PES1: variants seen among roughly 807,000 people sequenced by gnomAD.
PES1 encodes the protein pescadillo homolog.
A neutral mutation model predicts 77.1 loss-of-function variants in PES1; 31 were observed. The ratio of observed to expected loss-of-function variants is 0.40; its 90% CI spans 0.30 to 0.54. The LOEUF (loss-of-function observed/expected upper bound fraction) is 0.54, where lower values mean the gene tolerates loss of function less well. PES1 is among the 20% of genes least tolerant of loss of function. The probability of loss-of-function intolerance (pLI) is 0.45; values close to 1 mark genes in which losing one functional copy is unlikely to be tolerated. For missense variants in PES1, 658 were observed against 771.7 expected, an observed-to-expected ratio of 0.85 and a Z score of 1.75; for synonymous variants, 282 against 303.0, an observed-to-expected ratio of 0.93 and a Z score of 0.72.
chr22:30,581,284 A>G (rs756230918), intron 8 of PES1, 50 bp downstream of exon 8: 1 of 1,581,290 alleles, frequency 6.3e-7, no homozygotes, highest in East Asian at 2.2e-5. Flanking sequence ...TGTTGGGGAC[A>G]GAGACCACTC....
In PES1 at chr22:30,576,875, G is replaced by A. The variant is rs2086907022; in HGVS notation, c.*171C>T. The A allele has an allele frequency of 3.2e-6, 2 of 623,500 alleles. No homozygotes were observed. The highest frequency in any genetic ancestry group is 2.9e-6 in the Non-Finnish European group (1 of 349,026). The allele number at this position is 623,500 out of a possible 1,614,324, so 38.6% of individuals were successfully genotyped here. A position where few individuals can be genotyped will look rare whatever the true frequency, so the allele number is the denominator to read the frequency against. ...GCACCAGCAGGGCAGCTCCATCCAA[G>A]GGAAGCGAGGGCTGCCCACTGGCCC... On this transcript the variant is annotated 3_prime_UTR_variant, in exon 15 of 15. Transcript: ENST00000354694.
At chr22:30,586,634 T>A (rs1048718316) in intron 4 of PES1, among the ~76,000 whole-genome samples, 4 of 152,196 alleles carry the variant, frequency 2.6e-5, no homozygotes, top group African/African-American at 9.6e-5. Context: ...CATTGCCAAA[T>A]GTCCACTGGA....
At chr22:30,597,164 G>T (rs190094880) in intron 2 of PES1, among the ~76,000 whole-genome samples, 3 of 152,032 alleles carry the variant, frequency 2.0e-5, no homozygotes, top group African/African-American at 7.2e-5. Context: ...TGTGGGCTCC[G>T]GCACAGCCTA....
chr22:30,596,990 G>A (rs1328878487), intron 2 of PES1, among the ~76,000 whole-genome samples: 1 of 152,226 alleles, frequency 6.6e-6, no homozygotes, highest in African/African-American at 2.4e-5. Flanking sequence ...CACGGGCAGT[G>A]AGGGGCTTAG....
chr22:30,606,833 G>C (rs940381834), exon 1 of PES1: 2 of 1,004,738 alleles, frequency 2.0e-6, no homozygotes, highest in Non-Finnish European at 2.4e-6. Flanking sequence ...TGCAGCTCCC[G>C]TTCCACTCCT....
intron 2 of PES1, chr22:30,604,007 G>C (rs1280326616): frequency 6.6e-6 from 1 of 152,240 alleles, no homozygotes; most frequent in Non-Finnish European, 1.5e-5. Flanking sequence ...GCAGTGTTTT[G>C]AGGCAAGCAG....
intron 2 of PES1, among the ~76,000 whole-genome samples, chr22:30,604,315 G>A (rs987830710): frequency 6.6e-6 from 1 of 152,190 alleles, no homozygotes; most frequent in Non-Finnish European, 1.5e-5. Context: ...CCAAATAGCT[G>A]TAGCATGCAT....
chr22:30,582,204 C>A (rs2086998866), intron 6 of PES1, among the ~76,000 whole-genome samples: 1 of 152,220 alleles, frequency 6.6e-6, no homozygotes, highest in African/African-American at 2.4e-5. Context: ...GAAGGCCAGG[C>A]CCAGCGGGGG....
chr22:30,579,049 A>C, intron 13 of PES1, 51 bp from the exon 14 acceptor site: 1 of 1,603,810 alleles, frequency 6.2e-7, no homozygotes, highest in Non-Finnish European at 8.5e-7. Flanking sequence ...CGACCTCCAC[A>C]GTCCTCTGGC....
At chr22:30,596,523 A>C (rs2087255154), upstream of PES1, among the ~76,000 whole-genome samples, 1 of 152,138 alleles carries the variant, frequency 6.6e-6, no homozygotes, top group Non-Finnish European at 1.5e-5. Flanking sequence ...GATTTTAAAA[A>C]TCAAACTGCC....
intron 8 of PES1, 55 bp from the exon 9 acceptor site, chr22:30,581,156 C>T: frequency 6.7e-7 from 1 of 1,488,352 alleles, no homozygotes; most frequent in Non-Finnish European, 9.2e-7. Context: ...GGCATGTGGC[C>T]AGGGTGGGGA....
intron 10 of PES1, 73 bp from the exon 11 acceptor site, chr22:30,580,251 C>T: frequency 4.6e-6 from 7 of 1,537,610 alleles, no homozygotes; most frequent in South Asian, 2.6e-5. Context: ...CTCCCTGGGA[C>T]CTGCTGGCCA....
At chr22:30,591,238 G>A (rs954312661) in intron 1 of PES1, among the ~76,000 whole-genome samples, 2 of 152,118 alleles carry the variant, frequency 1.3e-5, no homozygotes, top group Non-Finnish European at 2.9e-5. Flanking sequence ...AATCTTATCA[G>A]ATGCCATTCT....
chr22:30,592,997 A>G (rs1215410851), upstream of PES1, among the ~76,000 whole-genome samples: 1 of 151,708 alleles, frequency 6.6e-6, no homozygotes, highest in Admixed American at 6.6e-5. Flanking sequence ...CCCTTTTTCC[A>G]AATTCCAAAT....
At chr22:30,577,337 C>T (rs1257948044) in intron 14 of PES1, among the ~76,000 whole-genome samples, 4 of 152,164 alleles carry the variant, frequency 2.6e-5, no homozygotes, top group Admixed American at 2.6e-4. Context: ...CCACAAATCT[C>T]GAGATAAGAG....
upstream of PES1, among the ~76,000 whole-genome samples, chr22:30,595,124 G>T (rs1261788715): frequency 6.6e-6 from 1 of 152,092 alleles, no homozygotes; most frequent in Non-Finnish European, 1.5e-5. Context: ...TCCTCCTGTT[G>T]CCCTGGACAA....
At chr22:30,596,192 C>T (rs1448556622), upstream of PES1, among the ~76,000 whole-genome samples, 2 of 152,118 alleles carry the variant, frequency 1.3e-5, no homozygotes, top group Non-Finnish European at 2.9e-5. Flanking sequence ...TGCTTTAAGT[C>T]TGTTGACTTT....
In PES1 at chr22:30,597,951, T is replaced by C. The variant is rs189000582; in HGVS notation, c.-660-5553A>G. On this transcript the variant is annotated intron_variant, in intron 2 of 16. Transcript: ENST00000402281. ...CAGGCTGGAGTGCAGTGGCGGCATC[T>C]CGGCTCACTGCAAGCTCCGCTTCCC... 3.4e-3 allele frequency among the ~76,000 whole-genome samples: 481 copies of C among 141,248 alleles called. 3 individuals are homozygous for C. Among genetic ancestry groups the C allele is most frequent in the Middle Eastern group, 0.026 (7 of 272 alleles). The allele number at this position is 141,248 out of a possible 152,430, so 92.7% of individuals were successfully genotyped here. A position where few individuals can be genotyped will look rare whatever the true frequency, so the allele number is the denominator to read the frequency against.
upstream of PES1, chr22:30,592,195 T>A (rs1356256093): frequency 9.4e-7 from 1 of 1,065,900 alleles, no homozygotes; most frequent in Non-Finnish European, 1.1e-6. Context: ...GCGGAAGGCT[T>A]AGGGACAGCG....
Sources: allele counts gnomAD v4.1 joint callset (sites outside exome capture counted in the v4.1 genomes callset), GRCh38; gene constraint gnomAD v4.1.1; transcripts MANE v1.5; gene names NCBI Gene and HGNC (gene_info 2026-07-23, HGNC 2026-07-21).